The following NKAIN2 variants were observed in gnomAD, a reference collection of about 807,000 sequenced individuals.
The protein encoded by NKAIN2 is sodium/potassium-transporting ATPase subunit beta-1-interacting protein 2.
A neutral mutation model predicts 32.6 loss-of-function variants in NKAIN2; 14 were observed. The observed-to-expected ratio is 0.43, with a 90% CI of 0.28 to 0.67. The LOEUF is 0.67. NKAIN2 is among the 30% of genes least tolerant of loss of function. The pLI, the probability that NKAIN2 is intolerant of heterozygous loss-of-function variation, is 0.17. For missense variants in NKAIN2, 198 were observed against 258.3 expected, an observed-to-expected ratio of 0.77 and a Z score of 1.60; for synonymous variants, 80 against 87.2, an observed-to-expected ratio of 0.92 and a Z score of 0.46.
chr6:124,167,688 G>T (rs1310542314), intron 1 of NKAIN2, among the ~76,000 whole-genome samples: 3 of 152,116 alleles, frequency 2.0e-5, no homozygotes, highest in South Asian at 2.1e-4. Context: ...TTTGAGATAT[G>T]TCCCATCAGT....
At chr6:124,323,994 T>C (rs1797313134) in intron 2 of NKAIN2, among the ~76,000 whole-genome samples, 1 of 151,994 alleles carries the variant, frequency 6.6e-6, no homozygotes, top group African/African-American at 2.4e-5. Context: ...GGTTACACCG[T>C]GTTAGCCAGG....
chr6:124,183,899 G>A (rs935547990), intron 1 of NKAIN2, among the ~76,000 whole-genome samples: 1 of 152,122 alleles, frequency 6.6e-6, no homozygotes, highest in African/African-American at 2.4e-5. Context: ...TGATTATCAT[G>A]TAGAACTACA....
At position 124,491,595 on chromosome 6, in the gene NKAIN2, C is replaced by T. The variant is rs553278910; in HGVS notation, c.273+136248C>T. 3.3e-5 allele frequency among the ~76,000 whole-genome samples: 5 copies of T among 151,872 alleles called. No individual in the cohort carries two copies. In the South Asian group the frequency reaches 8.3e-4, roughly 25 times the overall value. ...TATGTATGCCCTTTTTTAGCTTGGC[C>T]TCCCACAGCTAGTTATGTGTCCTGA... On this transcript the variant is annotated intron_variant, in intron 3 of 6. Transcript: ENST00000368417.
chr6:124,307,032 T>C (rs542657221), intron 2 of NKAIN2, among the ~76,000 whole-genome samples: 25 of 152,284 alleles, frequency 1.6e-4, no homozygotes, highest in African/African-American at 6.0e-4. Context: ...CCTATTCTTA[T>C]GTTAAATGAG....
intron 1 of NKAIN2, among the ~76,000 whole-genome samples, chr6:124,240,705 C>A (rs960297633): frequency 5.3e-5 from 8 of 152,080 alleles, no homozygotes; most frequent in Non-Finnish European, 1.0e-4. Context: ...CCCCTTCATG[C>A]TAAAAACTCT....
intron 2 of NKAIN2, among the ~76,000 whole-genome samples, chr6:124,337,235 G>A (rs201930012): frequency 6.6e-6 from 1 of 152,100 alleles, no homozygotes; most frequent in Non-Finnish European, 1.5e-5. Flanking sequence ...GGTGGCTCAC[G>A]CCTGTAATCC....
intron 4 of NKAIN2, among the ~76,000 whole-genome samples, chr6:124,672,973 A>C (rs1445347467): frequency 6.6e-6 from 1 of 152,068 alleles, no homozygotes; most frequent in East Asian, 1.9e-4. Flanking sequence ...ACATTGTTGT[A>C]AAGCAGATCT....
At chr6:124,286,862 T>C (rs1035842707) in intron 2 of NKAIN2, among the ~76,000 whole-genome samples, 7 of 151,844 alleles carry the variant, frequency 4.6e-5, no homozygotes, top group African/African-American at 1.7e-4. Flanking sequence ...TTGTATTTTT[T>C]CAGTAGAGAC....
Position 124,398,790 on chromosome 6 carries a change from A to G in NKAIN2, c.273+43443A>G, listed in dbSNP as rs183516305. ...TAGTCAGAAATTAAGTACAAAAAAT[A>G]GTAGAAAAACAAATGCAATGAGCTT... On this transcript the variant is annotated intron_variant, in intron 3 of 6. Transcript: ENST00000368417. Among the ~76,000 whole-genome samples the G allele has an allele frequency of 6.3e-4, 96 of 152,342 alleles. 1 individual carries two copies. The highest frequency in any genetic ancestry group is 1.1e-3 in the Non-Finnish European group (77 of 68,034).
Position 124,392,379 on chromosome 6 carries a change from C to T in NKAIN2, c.273+37032C>T, listed in dbSNP as rs75177598. Among the ~76,000 whole-genome samples, 955 of 152,222 alleles carry T rather than the reference C, an allele frequency of 6.3e-3. 3 individuals carry two copies. Among genetic ancestry groups the T allele is most frequent in the African/African-American group, 0.018 (734 of 41,556 alleles). ...AATAAATGTCCTTTGTGACGTTTTTCACTTCCTCCATTACTTCTTAGCTAC... is the reference window on the plus strand; with the variant it reads ...AATAAATGTCCTTTGTGACGTTTTTTACTTCCTCCATTACTTCTTAGCTAC... On this transcript the variant is annotated intron_variant, in intron 3 of 6. Coordinates refer to ENST00000368417, the MANE Select transcript of NKAIN2 (RefSeq NM_001040214.3).
chr6:123,868,614 T>C (rs1289310784), intron 1 of NKAIN2, among the ~76,000 whole-genome samples: 1 of 152,162 alleles, frequency 6.6e-6, no homozygotes, highest in African/African-American at 2.4e-5. Flanking sequence ...ATACAAATAG[T>C]ATGGTTTAGA....
At chr6:123,890,483 G>A (rs1253676452) in intron 1 of NKAIN2, among the ~76,000 whole-genome samples, 2 of 152,060 alleles carry the variant, frequency 1.3e-5, no homozygotes, top group Non-Finnish European at 2.9e-5. Context: ...TCACCACCGA[G>A]AGCTGGTAAT....
At chr6:124,120,409 A>G (rs1009961692) in intron 1 of NKAIN2, among the ~76,000 whole-genome samples, 2 of 152,160 alleles carry the variant, frequency 1.3e-5, no homozygotes, top group African/African-American at 2.4e-5. Flanking sequence ...TATCAAGAGT[A>G]ATATACTTAA....
At chr6:124,526,540 C>A (rs949860713) in intron 3 of NKAIN2, among the ~76,000 whole-genome samples, 3 of 151,870 alleles carry the variant, frequency 2.0e-5, no homozygotes, top group Non-Finnish European at 4.4e-5. Flanking sequence ...ATCTCAGAGA[C>A]AATCATCCTG....
chr6:124,232,749 G>T (rs1413139982), intron 1 of NKAIN2, among the ~76,000 whole-genome samples: 2 of 96,242 alleles, frequency 2.1e-5, no homozygotes, highest in Non-Finnish European at 2.9e-5. Context: ...CATTATTTTT[G>T]AGGAAAAAAA....
intron 4 of NKAIN2, among the ~76,000 whole-genome samples, chr6:124,663,669 ATTGT>A (rs1000114206): frequency 6.6e-6 from 1 of 152,166 alleles, no homozygotes; most frequent in Admixed American, 6.5e-5. Flanking sequence ...ATAATTAATA[ATTGT>A]TTGTTATGTC....
At chr6:123,821,907 AATT>A (rs1773939333) in intron 1 of NKAIN2, among the ~76,000 whole-genome samples, 1 of 152,152 alleles carries the variant, frequency 6.6e-6, no homozygotes, top group African/African-American at 2.4e-5. Context: ...ATCAGAAGTC[AATT>A]ATTATGCACA....
intron 3 of NKAIN2, among the ~76,000 whole-genome samples, chr6:124,538,462 A>G (rs1028086106): frequency 5.3e-5 from 8 of 152,098 alleles, no homozygotes; most frequent in African/African-American, 1.9e-4. Flanking sequence ...CTTTCCATCT[A>G]AGAGCTTTAT....
intron 1 of NKAIN2, among the ~76,000 whole-genome samples, chr6:123,907,074 A>C (rs974594683): frequency 6.6e-6 from 1 of 152,194 alleles, no homozygotes; most frequent in African/African-American, 2.4e-5. Context: ...ATTTCTAAAT[A>C]GTTCTGAAGA....
Sources: allele counts gnomAD v4.1 joint callset (sites outside exome capture counted in the v4.1 genomes callset), GRCh38; gene constraint gnomAD v4.1.1; transcripts MANE v1.5; gene names NCBI Gene and HGNC (gene_info 2026-07-23, HGNC 2026-07-21).